Variants in UIMC1 observed in about 807,000 individuals in gnomAD.
UIMC1 encodes the protein BRCA1-A complex subunit RAP80.
In UIMC1, 42 loss-of-function variants were observed where a neutral mutation model predicts 84.9. The ratio of observed to expected loss-of-function variants is 0.49; its 90% CI spans 0.39 to 0.64. The LOEUF (loss-of-function observed/expected upper bound fraction) is 0.64, where lower values mean the gene tolerates loss of function less well. Ranked by LOEUF, UIMC1 falls within the 30% of genes least tolerant of loss-of-function variation. The pLI, the probability that UIMC1 is intolerant of heterozygous loss-of-function variation, is 0.00. For synonymous variants in UIMC1, 281 were observed against 293.0 expected, an observed-to-expected ratio of 0.96 and a Z score of 0.42; for missense variants, 825 against 847.6, an observed-to-expected ratio of 0.97 and a Z score of 0.33.
chr5:176,946,335 A>G (rs1020048115), intron 9 of UIMC1, among the ~76,000 whole-genome samples: 1 of 152,090 alleles, frequency 6.6e-6, no homozygotes, highest in Admixed American at 6.6e-5. Context: ...AACATAGCGA[A>G]ACCCCATCTC....
chr5:176,995,615 G>C lies in UIMC1; in HGVS notation c.-9+11035C>G, dbSNP rs187321145. Among the ~76,000 whole-genome samples the C allele has an allele frequency of 1.8e-3, 274 of 150,692 alleles. 1 individual carries two copies. The highest frequency in any genetic ancestry group is 6.5e-3 in the African/African-American group (267 of 40,932). On this transcript the variant is annotated intron_variant, in intron 1 of 14. Transcript: ENST00000511320. ...TCCTAGCACTTTGGGAGTCCAAGGC[G>C]GGTGGATCACGAGGTGAAAAGATCG...
In UIMC1 at chr5:176,969,700, G is replaced by A. The variant is rs369146532; in HGVS notation, c.364C>T (p.Arg122Trp). 27 of 1,613,724 alleles carry A rather than the reference G, an allele frequency of 1.7e-5. No individual in the cohort carries two copies. The highest frequency in any genetic ancestry group is 6.7e-5 in the African/African-American group (5 of 74,876). ...CTGGTAGCGGAAGCATCAGAAGGCC[G>A]GCAACTCTGAAACAAGTGATCCCAT... ...KAIAESLNSC[R>W]PSDASATRSR... Residue 122 changes from arginine to tryptophan, a missense_variant, in exon 5 of 15, where the codon CGG becomes TGG. Arg to Trp is a moderately radical substitution (Grantham distance 101). Coordinates refer to ENST00000511320, the MANE Select transcript of UIMC1 (RefSeq NM_001199298.2).
chr5:176,942,073 G>C (rs1764507308), intron 10 of UIMC1, among the ~76,000 whole-genome samples: 1 of 152,110 alleles, frequency 6.6e-6, no homozygotes, highest in South Asian at 2.1e-4. Context: ...TCGAACTCCT[G>C]ACCTCAGGTG....
chr5:176,982,059 A>G (rs1771136676), intron 2 of UIMC1, among the ~76,000 whole-genome samples: 1 of 152,220 alleles, frequency 6.6e-6, no homozygotes, highest in Non-Finnish European at 1.5e-5. Context: ...GCAACAGAGA[A>G]GCTGATTTTT....
chr5:176,907,138 C>G lies in UIMC1; in HGVS notation c.1888G>C (p.Glu630Gln), dbSNP rs746427627. The change falls in exon 13 of 15, where the codon GAA becomes CAA. Residue 630 changes from glutamate to glutamine, a missense_variant. Coordinates refer to ENST00000511320, the MANE Select transcript of UIMC1 (RefSeq NM_001199298.2). ...CCTGAAGTCTTGTGCTCAGACTGTT[C>G]CAAGAAACTAAGGAGTCGGCCTTCA... ...HSEGRLLSFL[E>Q]QSEHKTSDAD... is the part of the protein sequence containing the mutation. The G allele has an allele frequency of 5.6e-6, 9 of 1,613,718 alleles. No homozygotes were observed. Among genetic ancestry groups the G allele is most frequent in the Admixed American group, 3.3e-5 (2 of 59,986 alleles).
At chr5:176,959,877 C>T (rs1270396320) in intron 6 of UIMC1, among the ~76,000 whole-genome samples, 1 of 150,260 alleles carries the variant, frequency 6.7e-6, no homozygotes. Flanking sequence ...ACTAAAAATA[C>T]AAAATTAGCC....
chr5:176,999,343 AATATGTAATAG>A (rs1341550630), intron 1 of UIMC1, among the ~76,000 whole-genome samples: 1 of 152,208 alleles, frequency 6.6e-6, no homozygotes, highest in African/African-American at 2.4e-5. Context: ...ACAGGTACAC[AATATGTAATAG>A]TCAGATCATA....
intron 1 of UIMC1, among the ~76,000 whole-genome samples, chr5:177,013,375 C>G (rs1168356519): frequency 6.6e-6 from 1 of 150,870 alleles, no homozygotes; most frequent in Non-Finnish European, 1.5e-5. Context: ...CACACACACA[C>G]ACACACACAC....
intron 9 of UIMC1, among the ~76,000 whole-genome samples, chr5:176,947,931 C>T (rs1305250617): frequency 1.3e-5 from 2 of 151,274 alleles, no homozygotes; most frequent in East Asian, 1.9e-4. Context: ...AAAAAAAATA[C>T]ACCTCACTTC....
chr5:176,974,505 G>GA (rs952821048), intron 3 of UIMC1, among the ~76,000 whole-genome samples: 4 of 151,478 alleles, frequency 2.6e-5, no homozygotes, highest in African/African-American at 9.7e-5. Context: ...GACATAGAAA[G>GA]AAAAAAAACC....
intron 2 of UIMC1, among the ~76,000 whole-genome samples, chr5:176,977,127 G>A (rs1329175248): frequency 6.6e-6 from 1 of 151,360 alleles, no homozygotes; most frequent in East Asian, 1.9e-4. Flanking sequence ...GGAGACTGAG[G>A]CATGAGAATC....
At chr5:176,997,812 T>C (rs1773854575) in intron 1 of UIMC1, among the ~76,000 whole-genome samples, 1 of 152,134 alleles carries the variant, frequency 6.6e-6, no homozygotes, top group Non-Finnish European at 1.5e-5. Context: ...GATTGCTCTT[T>C]CTAAGCTCTC....
chr5:176,975,421 CTT>C lies in UIMC1; in HGVS notation c.205_206del (p.Lys69ValfsTer24). 1 of 1,613,862 alleles carries C rather than the reference CTT, an allele frequency of 6.2e-7. No homozygotes were observed. Among genetic ancestry groups the C allele is most frequent in the Non-Finnish European group, 8.5e-7 (1 of 1,179,904 alleles). ...KTKTKQSNRAKCLAKRKIAQM... is the reference protein window; with the variant it reads ...KTKTKQSNRAXCLAKRKIAQM... ...GTGCGATTTTTCTTTTGGCCAAACACTTTGCTCTATTCGACTGTTTTGTCTTC... is the reference window on the plus strand; with the variant it reads ...GTGCGATTTTTCTTTTGGCCAAACACTGCTCTATTCGACTGTTTTGTCTTC... On this transcript the variant is annotated frameshift_variant, in exon 3 of 15. Transcript: ENST00000511320. LOFTEE classifies it high-confidence loss of function.
At chr5:176,907,874 T>C (rs1216061211) in intron 12 of UIMC1, among the ~76,000 whole-genome samples, 1 of 152,232 alleles carries the variant, frequency 6.6e-6, no homozygotes, top group African/African-American at 2.4e-5. Context: ...TCAGAAAATG[T>C]ATTCTAAGGA....
Position 176,990,552 on chromosome 5 carries a change from T to A in UIMC1, c.-8-7929A>T, listed in dbSNP as rs541496139. Among the ~76,000 whole-genome samples the A allele has an allele frequency of 9.1e-3, 1,384 of 152,206 alleles. 7 individuals are homozygous for A. The highest frequency in any genetic ancestry group is 0.025 in the South Asian group (121 of 4,818). On this transcript the variant is annotated intron_variant, in intron 1 of 14. Transcript: ENST00000511320. The stretch of plus-strand genomic sequence containing the variant: ...ACATATTTGTACTTCCTAAAATAAA[T>A]TAATTTTATATTAATTCGCAAGAAG...
intron 1 of UIMC1, among the ~76,000 whole-genome samples, chr5:176,985,001 C>G (rs958882059): frequency 2.0e-5 from 3 of 152,062 alleles, no homozygotes; most frequent in African/African-American, 7.2e-5. Context: ...GACCTTTGTT[C>G]ATGTGTTTAT....
At chr5:176,915,241 CTTT>C (rs34866468) in intron 10 of UIMC1, among the ~76,000 whole-genome samples, 5 of 139,224 alleles carry the variant, frequency 3.6e-5, no homozygotes, top group Admixed American at 7.1e-5. Context: ...TATTTTGTTT[CTTT>C]TTTTTTTTTT....
intron 1 of UIMC1, among the ~76,000 whole-genome samples, chr5:177,001,791 A>AT (rs1774512249): frequency 6.6e-6 from 1 of 150,790 alleles, no homozygotes; most frequent in African/African-American, 2.4e-5. Context: ...AAAAAAAAAA[A>AT]TACAAAACAT....
chr5:176,911,136 A>C (rs1760120958), intron 11 of UIMC1, among the ~76,000 whole-genome samples, 175 bp downstream of exon 11: 1 of 79,226 alleles, frequency 1.3e-5, no homozygotes, highest in African/African-American at 4.5e-5. Context: ...AAAAGAAAAG[A>C]AAAGAAAAGA....
Sources: gnomAD v4.1 joint callset for allele counts (sites outside exome capture counted in the v4.1 genomes callset) on GRCh38, gnomAD v4.1.1 for gene constraint, MANE v1.5 for transcripts, NCBI Gene and HGNC (gene_info 2026-07-23, HGNC 2026-07-21) for gene names.